The following WRN variants were observed in gnomAD, a reference collection of about 807,000 sequenced individuals.
The protein encoded by WRN is WRN RecQ like helicase.
A neutral mutation model predicts 180.7 loss-of-function variants in WRN; 149 were observed. The ratio of observed to expected loss-of-function variants is 0.82; its 90% CI spans 0.72 to 0.94. The LOEUF (loss-of-function observed/expected upper bound fraction) is 0.94. Ranked by LOEUF, WRN falls within the 40% of genes least tolerant of loss-of-function variation. The pLI, the probability that WRN is intolerant of heterozygous loss-of-function variation, is 0.00. For missense variants in WRN, 1,661 were observed against 1,700.1 expected (o/e 0.98, Z 0.40); for synonymous variants, 548 against 568.9 (o/e 0.96, Z 0.52).
chr8:31,084,531 G>A (rs1472583111), intron 10 of WRN, among the ~76,000 whole-genome samples: 1 of 151,710 alleles, frequency 6.6e-6, no homozygotes, highest in Admixed American at 6.6e-5. Context: ...TAAATGTTTG[G>A]CATTTTTTGA....
rs1169330916 is a variant in WRN at position 31,143,622 on chromosome 8, A to T, written c.3382A>T (p.Ser1128Cys). 1 of 1,578,860 alleles carries T rather than the reference A, an allele frequency of 6.3e-7. No individual in the cohort carries two copies. The highest frequency in any genetic ancestry group is 8.7e-7 in the Non-Finnish European group (1 of 1,149,152). The change falls in exon 28 of 35, where the codon AGT (serine) becomes TGT (cysteine). Residue 1128 changes from serine (S) to cysteine (C), a missense_variant and splice_region_variant. Coordinates refer to ENST00000298139, the MANE Select transcript of WRN (RefSeq NM_000553.6). ...ISSGSNISKK[S>C]IMVQSPEKAY... ...TTCTGGGAGTAACATTTCTAAAAAA[A>T]GGTACAGAGTTCCATATTTCTATGT...
At chr8:31,064,257 T>C (rs536011576) in intron 3 of WRN, 32 bp from the exon 4 acceptor site, 5 of 1,612,800 alleles carry the variant, frequency 3.1e-6, no homozygotes, top group Middle Eastern at 1.7e-4. Flanking sequence ...AATTTTAACA[T>C]AAATTAATTT....
At chr8:31,120,163 T>C (rs1801667996) in intron 20 of WRN, 80 bp from the exon 21 acceptor site, 1 of 1,555,210 alleles carries the variant, frequency 6.4e-7, no homozygotes, top group East Asian at 2.2e-5. Context: ...ACGAACAAAT[T>C]ATTCTTACAA....
chr8:31,174,841 CTCCCTCCCTCCTT>C lies in WRN; in HGVS notation c.*1742_*1754del, dbSNP rs1305611460. ...CCTTCCTCCCTCCCTCCCTCCCTCC[CTCCCTCCCTCCTT>C]TCTTTTTCTTTCTCTTTCTTTCTTT... On this transcript the variant is annotated 3_prime_UTR_variant, in exon 35 of 35. Transcript: ENST00000298139. Among the ~76,000 whole-genome samples the C allele has an allele frequency of 7.5e-6, 1 of 133,950 alleles. No individual in the cohort carries two copies. The highest frequency in any genetic ancestry group is 2.1e-4 in the East Asian group (1 of 4,748). 87.9% of individuals were successfully genotyped at this position (133,950 alleles called of 152,430 possible).
At chr8:31,056,052 C>T (rs564716333) in intron 1 of WRN, among the ~76,000 whole-genome samples, 9 of 152,124 alleles carry the variant, frequency 5.9e-5, no homozygotes, top group African/African-American at 1.9e-4. Context: ...ATTTTGCATG[C>T]AAAAGAGTAT....
chr8:31,111,500 C>CT, intron 18 of WRN, 115 bp from the exon 19 acceptor site: 1 of 1,310,176 alleles, frequency 7.6e-7, no homozygotes, highest in Admixed American at 2.0e-5. Context: ...ACAGTTGTGT[C>CT]TTTAACATTG....
At chr8:31,064,132 A>T (rs559757476) in intron 3 of WRN, among the ~76,000 whole-genome samples, 157 bp from the exon 4 acceptor site, 7 of 152,272 alleles carry the variant, frequency 4.6e-5, no homozygotes, top group African/African-American at 1.7e-4. Context: ...TTTTTCAAGA[A>T]ATTTTACATA....
chr8:31,149,324 G>A (rs1431125132), intron 30 of WRN, among the ~76,000 whole-genome samples: 1 of 151,438 alleles, frequency 6.6e-6, no homozygotes, highest in Non-Finnish European at 1.5e-5. Flanking sequence ...GTGAACCCGG[G>A]AGGCGGAGCT....
At position 31,174,725 on chromosome 8, in the gene WRN, TTCC is replaced by T. The variant is rs201575213; in HGVS notation, c.*1637_*1639del. Among the ~76,000 whole-genome samples, 131 of 151,522 alleles carry T rather than the reference TTCC, an allele frequency of 8.6e-4. No individual in the cohort carries two copies. Among genetic ancestry groups the T allele is most frequent in the African/African-American group, 2.3e-3 (96 of 41,350 alleles). ...CTTCTCCTTCTTCCTTCTTCCTTCCTTCCTCCTCCTCCTCCTTCTTCTTCCTCT... is the reference window on the plus strand; with the variant it reads ...CTTCTCCTTCTTCCTTCTTCCTTCCTTCCTCCTCCTCCTTCTTCTTCCTCT... On this transcript the variant is annotated 3_prime_UTR_variant, in exon 35 of 35. Transcript: ENST00000298139.
intron 23 of WRN, among the ~76,000 whole-genome samples, chr8:31,126,566 A>G (rs1374691630): frequency 3.3e-5 from 5 of 152,348 alleles, no homozygotes; most frequent in Admixed American, 3.3e-4. Flanking sequence ...CTAAGCTTAC[A>G]TCTTAAGCAA....
chr8:31,136,334 T>C (rs1477386189), intron 24 of WRN, among the ~76,000 whole-genome samples: 1 of 152,206 alleles, frequency 6.6e-6, no homozygotes, highest in Non-Finnish European at 1.5e-5. Context: ...GAAGTATACC[T>C]GCTTAGAGCT....
In WRN at chr8:31,167,057, C is replaced by T. The variant is rs747312018; in HGVS notation, c.4018C>T (p.Pro1340Ser). The change falls in exon 34 of 35, where the codon CCT (proline) becomes TCT (serine). Residue 1340 changes from proline (P) to serine (S), a missense_variant. This residue lies in a region of WRN where 1,141 missense variants were observed against 1,149.4 expected (regional missense o/e 0.99). Transcript: ENST00000298139. ...AATTAGCCTAATCAGAATGTTAGTT[C>T]CTGAAAACATTGACACGTACCTTAT... The part of the protein sequence containing the change: ...SKISLIRMLV[P>S]ENIDTYLIHM... 2.2e-5 allele frequency: 36 copies of T among 1,612,930 alleles called. No individual in the cohort carries two copies. The highest frequency in any genetic ancestry group is 4.0e-5 in the African/African-American group (3 of 74,832).
At chr8:31,117,894 C>T (rs1388044278) in intron 20 of WRN, among the ~76,000 whole-genome samples, 1 of 152,070 alleles carries the variant, frequency 6.6e-6, no homozygotes, top group African/African-American at 2.4e-5. Flanking sequence ...CCAAATTCTT[C>T]AGTGTTTATA....
intron 18 of WRN, among the ~76,000 whole-genome samples, chr8:31,111,174 C>T (rs1009121503): frequency 6.6e-6 from 1 of 151,832 alleles, no homozygotes; most frequent in African/African-American, 2.4e-5. Flanking sequence ...AAAAAAACGA[C>T]CATTGCTTTA....
At chr8:31,113,629 T>C (rs945969419) in intron 19 of WRN, among the ~76,000 whole-genome samples, 2 of 152,194 alleles carry the variant, frequency 1.3e-5, no homozygotes, top group African/African-American at 4.8e-5. Context: ...ACACTCTCTA[T>C]GGCACTTTCC....
At chr8:31,117,531 G>A (rs1444550611) in intron 20 of WRN, among the ~76,000 whole-genome samples, 1 of 152,134 alleles carries the variant, frequency 6.6e-6, no homozygotes, top group African/African-American at 2.4e-5. Flanking sequence ...GAGGATTTAA[G>A]TTCAAGGCAC....
intron 8 of WRN, among the ~76,000 whole-genome samples, chr8:31,077,913 C>T (rs1813158241): frequency 6.6e-6 from 1 of 152,116 alleles, no homozygotes; most frequent in African/African-American, 2.4e-5. Context: ...CCAGAAAGTT[C>T]TTTGGCACTA....
At chr8:31,124,197 AGT>A (rs1403498604) in intron 21 of WRN, among the ~76,000 whole-genome samples, 1 of 152,154 alleles carries the variant, frequency 6.6e-6, no homozygotes, top group Non-Finnish European at 1.5e-5. Flanking sequence ...GAAGCCAAAA[AGT>A]GTGTGACATG....
intron 1 of WRN, among the ~76,000 whole-genome samples, chr8:31,043,483 AG>A (rs1811732259): frequency 6.6e-6 from 1 of 152,138 alleles, no homozygotes; most frequent in African/African-American, 2.4e-5. Context: ...TGGGGTGAGG[AG>A]GGCTGAATGG....
Sources: allele counts gnomAD v4.1 joint callset (sites outside exome capture counted in the v4.1 genomes callset), GRCh38; gene constraint gnomAD v4.1.1; regional missense constraint gnomAD v4.1.1; transcripts MANE v1.5; gene names NCBI Gene and HGNC (gene_info 2026-07-23, HGNC 2026-07-21).